Variants in GRIA2 observed in about 807,000 individuals in gnomAD.
The protein encoded by GRIA2 is glutamate receptor 2.
In GRIA2, 14 loss-of-function variants were observed where a neutral mutation model predicts 97.3. The ratio of observed to expected loss-of-function variants is 0.14; its 90% CI spans 0.10 to 0.23. GRIA2 has a LOEUF of 0.23. Among genes scored for constraint, GRIA2 ranks in the 10% least tolerant of loss-of-function variants. GRIA2 has a pLI of 1.00. For missense variants in GRIA2, 558 were observed against 1,069.8 expected (o/e 0.52, Z 6.67); for synonymous variants, 412 against 387.8 (o/e 1.06, Z -0.73).
chr4:157,312,570 A>C (rs1370213981), intron 3 of GRIA2, 109 bp from the exon 4 acceptor site: 1 of 577,788 alleles, frequency 1.7e-6, no homozygotes, highest in East Asian at 3.2e-5. Flanking sequence ...ACATTCCTTT[A>C]GTTGCACAAA....
At chr4:157,327,175 T>G (rs1734840134) in intron 6 of GRIA2, among the ~76,000 whole-genome samples, 1 of 152,162 alleles carries the variant, frequency 6.6e-6, no homozygotes, top group Non-Finnish European at 1.5e-5. Flanking sequence ...GAAATCTGGC[T>G]CATTTGTATC....
intron 12 of GRIA2, among the ~76,000 whole-genome samples, chr4:157,347,245 G>A (rs1735801829): frequency 1.3e-5 from 2 of 152,142 alleles, no homozygotes; most frequent in Non-Finnish European, 1.5e-5. Flanking sequence ...ATTGTGCAAA[G>A]TGGCAGCTTT....
At chr4:157,258,734 C>A (rs1386972298) in intron 2 of GRIA2, among the ~76,000 whole-genome samples, 1 of 151,992 alleles carries the variant, frequency 6.6e-6, no homozygotes, top group African/African-American at 2.4e-5. Flanking sequence ...AACCTGCCAA[C>A]ATGTGATGTC....
chr4:157,245,117 A>G (rs1730671414), intron 2 of GRIA2, among the ~76,000 whole-genome samples: 1 of 152,070 alleles, frequency 6.6e-6, no homozygotes, highest in Non-Finnish European at 1.5e-5. Context: ...AAATGAGGTG[A>G]TTATTTTCAA....
chr4:157,267,518 C>T (rs1212328165), intron 2 of GRIA2, among the ~76,000 whole-genome samples: 1 of 151,886 alleles, frequency 6.6e-6, no homozygotes, highest in Admixed American at 6.6e-5. Context: ...GACCTATCAT[C>T]CTGCTGCTGT....
chr4:157,248,686 C>T (rs1450010760), intron 2 of GRIA2, among the ~76,000 whole-genome samples: 2 of 117,380 alleles, frequency 1.7e-5, no homozygotes, highest in African/African-American at 3.2e-5. Flanking sequence ...TCTATATACA[C>T]GTGTATATAT....
intron 2 of GRIA2, among the ~76,000 whole-genome samples, chr4:157,231,594 A>C (rs1730021731): frequency 6.6e-6 from 1 of 152,198 alleles, no homozygotes; most frequent in African/African-American, 2.4e-5. Flanking sequence ...AAGGTTTGAA[A>C]AATTTTATAG....
intron 12 of GRIA2, among the ~76,000 whole-genome samples, chr4:157,355,877 A>T (rs1181577805): frequency 9.5e-5 from 8 of 84,540 alleles, no homozygotes; most frequent in Non-Finnish European, 1.2e-4. Flanking sequence ...TAACATATTT[A>T]TATATATTAA....
intron 3 of GRIA2, among the ~76,000 whole-genome samples, chr4:157,305,982 T>C (rs1733824550): frequency 2.0e-5 from 3 of 152,138 alleles, no homozygotes; most frequent in Non-Finnish European, 4.4e-5. Context: ...CAGATAATGC[T>C]AGAAAGAGAG....
intron 2 of GRIA2, among the ~76,000 whole-genome samples, chr4:157,275,453 A>G (rs1399629242): frequency 3.3e-5 from 5 of 151,244 alleles, no homozygotes; most frequent in African/African-American, 4.9e-5. Context: ...CATGCCTATG[A>G]CCTGAATGGT....
intron 2 of GRIA2, among the ~76,000 whole-genome samples, chr4:157,293,004 C>G (rs572998770): frequency 6.6e-6 from 1 of 152,056 alleles, no homozygotes; most frequent in Non-Finnish European, 1.5e-5. Flanking sequence ...ATTATTAAAA[C>G]AAAAATGAAA....
rs188858899 is a variant in GRIA2, at chr4:157,273,918, C to T, written c.230-29634C>T. Among the ~76,000 whole-genome samples, 39 of 152,122 alleles carry T rather than the reference C, an allele frequency of 2.6e-4. No homozygotes were observed. The East Asian group carries it at 5.4e-3, about 21-fold the overall frequency. ...TGCCATAAAACCCCATACCTATCTA[C>T]ATATTTAAACTGCAGATAATCAGAG... On this transcript the variant is annotated intron_variant, in intron 2 of 15. Coordinates refer to ENST00000264426, the MANE Select transcript of GRIA2 (RefSeq NM_001083619.3).
intron 2 of GRIA2, among the ~76,000 whole-genome samples, chr4:157,276,733 A>T (rs1018556259): frequency 2.0e-5 from 3 of 151,994 alleles, no homozygotes; most frequent in African/African-American, 7.2e-5. Context: ...GGAGATGAAA[A>T]AGATTAAAAA....
intron 12 of GRIA2, among the ~76,000 whole-genome samples, chr4:157,349,826 G>A (rs1056045581): frequency 6.6e-6 from 1 of 151,864 alleles, no homozygotes; most frequent in Non-Finnish European, 1.5e-5. Flanking sequence ...ATGTTGTTGA[G>A]GTTGGATCAA....
intron 12 of GRIA2, among the ~76,000 whole-genome samples, chr4:157,343,110 A>G (rs115327066): frequency 6.6e-6 from 1 of 152,170 alleles, no homozygotes; most frequent in African/African-American, 2.4e-5. Context: ...CACTAACTTC[A>G]TGGAGCCCAT....
intron 2 of GRIA2, among the ~76,000 whole-genome samples, chr4:157,268,729 A>T (rs533241761): frequency 4.0e-4 from 61 of 152,014 alleles, no homozygotes; most frequent in African/African-American, 1.2e-3. Context: ...TATTTAATTT[A>T]ATTTTATTCC....
chr4:157,319,560 C>T (rs975859405), intron 5 of GRIA2, among the ~76,000 whole-genome samples: 16 of 152,090 alleles, frequency 1.1e-4, no homozygotes, highest in Admixed American at 5.9e-4. Context: ...TCAATAAGTT[C>T]GAAAGGCTGT....
chr4:157,247,237 A>G (rs1333720143), intron 2 of GRIA2, among the ~76,000 whole-genome samples: 2 of 152,166 alleles, frequency 1.3e-5, no homozygotes, highest in Admixed American at 1.3e-4. Context: ...CTCCCAACAT[A>G]TTGCAAAGAT....
chr4:157,252,515 A>G (rs774747503), intron 2 of GRIA2, among the ~76,000 whole-genome samples: 3 of 152,126 alleles, frequency 2.0e-5, no homozygotes, highest in Non-Finnish European at 4.4e-5. Flanking sequence ...TGAGCTTGTC[A>G]TTTTCCCAAT....
Sources: allele counts gnomAD v4.1 joint callset (sites outside exome capture counted in the v4.1 genomes callset), GRCh38; gene constraint gnomAD v4.1.1; transcripts MANE v1.5; gene names NCBI Gene and HGNC (gene_info 2026-07-23, HGNC 2026-07-21).